The following ZNF462 variants were observed in gnomAD, a reference collection of about 807,000 sequenced individuals.
The protein encoded by ZNF462 is zinc finger protein 462.
Under a neutral mutation model 201.9 loss-of-function variants are expected in ZNF462, and 10 were observed. That is an observed-to-expected ratio of 0.05 (90% CI 0.03 to 0.08). The LOEUF (loss-of-function observed/expected upper bound fraction) is 0.08, where lower values mean the gene tolerates loss of function less well. Among genes scored for constraint, ZNF462 ranks in the 10% least tolerant of loss-of-function variants. ZNF462 has a pLI of 1.00. For missense variants in ZNF462, 2,523 were observed against 3,168.3 expected, an observed-to-expected ratio of 0.80 and a Z score of 4.89; for synonymous variants, 1,227 against 1,193.3, an observed-to-expected ratio of 1.03 and a Z score of -0.58.
chr9:106,942,628 C>T (rs1830922698), intron 7 of ZNF462, among the ~76,000 whole-genome samples: 2 of 152,152 alleles, frequency 1.3e-5, no homozygotes, highest in Admixed American at 1.3e-4. Flanking sequence ...TACTGTGTTC[C>T]TTCTCCTGCC....
intron 10 of ZNF462, among the ~76,000 whole-genome samples, chr9:106,989,206 T>G (rs536338169): frequency 6.6e-6 from 1 of 152,252 alleles, no homozygotes; most frequent in Non-Finnish European, 1.5e-5. Context: ...CATTAAGGTA[T>G]GTCCTTTGTA....
chr9:106,901,690 G>A (rs1242975661), intron 1 of ZNF462, among the ~76,000 whole-genome samples: 1 of 152,062 alleles, frequency 6.6e-6, no homozygotes, highest in Non-Finnish European at 1.5e-5. Flanking sequence ...ATTGTAAAAG[G>A]GGTTGAGTTC....
In ZNF462 at chr9:106,923,722, C is replaced by A; in HGVS notation, c.220+119C>A. 1 of 1,037,052 alleles carries A rather than the reference C, an allele frequency of 9.6e-7. No homozygotes were observed. Among genetic ancestry groups the A allele is most frequent in the South Asian group, 1.6e-5 (1 of 62,442 alleles). The allele number at this position is 1,037,052 out of a possible 1,614,324, so 64.2% of individuals were successfully genotyped here. A position where few individuals can be genotyped will look rare whatever the true frequency, so the allele number is the denominator to read the frequency against. On this transcript the variant is annotated intron_variant, in intron 2 of 12. Transcript: ENST00000277225. This position sits in a 1 kb window ranked among gnomAD's most constrained non-coding sequence, Gnocchi z 5.6. ...TGCAGAGTTTCTTGTGCTTTGCTAG[C>A]CATTTTTGTGGTTTGGGCATCATGT...
chr9:107,001,337 G>T (rs1203785523), intron 10 of ZNF462, among the ~76,000 whole-genome samples: 5 of 152,138 alleles, frequency 3.3e-5, no homozygotes, highest in Admixed American at 1.3e-4. Context: ...TACAATGCTT[G>T]TTGTAAGCAT....
intron 1 of ZNF462, among the ~76,000 whole-genome samples, chr9:106,869,888 T>C (rs1380511714): frequency 6.6e-6 from 1 of 152,192 alleles, no homozygotes; most frequent in African/African-American, 2.4e-5. Flanking sequence ...AGATTGTATT[T>C]GCAGTATGCT....
chr9:106,927,022 T>C lies in ZNF462; in HGVS notation c.3110T>C (p.Phe1037Ser). Residue 1037 changes from phenylalanine to serine, a missense_variant, in exon 3 of 13, where the codon TTT (phenylalanine) becomes TCT (serine). Transcript: ENST00000277225. ...VVVYDCDVCS[F>S]ASPNMHSVLV... The stretch of plus-strand genomic sequence containing the variant: ...GTTTATGATTGTGATGTTTGTTCGT[T>C]TGCAAGCCCCAACATGCATTCTGTC... 1 of 1,614,142 alleles carries C rather than the reference T, an allele frequency of 6.2e-7. No individual in the cohort carries two copies. Among genetic ancestry groups the C allele is most frequent in the Non-Finnish European group, 8.5e-7 (1 of 1,180,022 alleles).
Position 106,927,727 on chromosome 9 carries a change from A to G in ZNF462, c.3815A>G (p.Tyr1272Cys), listed in dbSNP as rs756215619. 1 of 1,614,092 alleles carries G rather than the reference A, an allele frequency of 6.2e-7. No individual in the cohort carries two copies. The highest frequency in any genetic ancestry group is 8.5e-7 in the Non-Finnish European group (1 of 1,180,022). ...GCACTCAAATGTAGGCAGTGCTCAT[A>G]TACCTCCCCCTACTTCTATGCACTG... ...LRALKCRQCS[Y>C]TSPYFYALRK... The change falls in exon 3 of 13, where the codon TAT becomes TGT. Residue 1272 changes from tyrosine (Y) to cysteine (C), a missense_variant. Tyr to Cys is a radical substitution (Grantham distance 194). Coordinates refer to ENST00000277225, the MANE Select transcript of ZNF462 (RefSeq NM_021224.6).
rs1053553370 is a variant in ZNF462 at position 106,927,710 on chromosome 9, A to T, written c.3798A>T (p.Lys1266Asn). 3 of 1,613,982 alleles carry T rather than the reference A, an allele frequency of 1.9e-6. No homozygotes were observed. In the Admixed American group the frequency reaches 5.0e-5, roughly 27 times the overall value. Reference protein sequence around the residue: ...ERDKTKLRALKCRQCSYTSPY... With the variant: ...ERDKTKLRALNCRQCSYTSPY... ...ACAAAACGAAACTCCGAGCACTCAA[A>T]TGTAGGCAGTGCTCATATACCTCCC... The change falls in exon 3 of 13, where the codon AAA (lysine) becomes AAT (asparagine). Residue 1266 changes from lysine to asparagine, a missense_variant. Transcript: ENST00000277225.
At chr9:106,996,518 AGAT>A (rs1660749077) in intron 10 of ZNF462, among the ~76,000 whole-genome samples, 1 of 152,172 alleles carries the variant, frequency 6.6e-6, no homozygotes, top group African/African-American at 2.4e-5. Flanking sequence ...AACTGGTGTG[AGAT>A]GGTATCTCAT....
Position 106,977,598 on chromosome 9 carries a change from G to A in ZNF462, c.6832+3325G>A, listed in dbSNP as rs1052815788. On this transcript the variant is annotated intron_variant, in intron 9 of 12. Coordinates refer to ENST00000277225, the MANE Select transcript of ZNF462 (RefSeq NM_021224.6). The surrounding 1 kb of genome is among the most constrained non-coding windows in gnomAD (Gnocchi z 4.6). ...CAAACATTCATTATTTGCTTGTTAC[G>A]TGCCACGCTATGCTTGGTTCTTTGG... Among the ~76,000 whole-genome samples the A allele has an allele frequency of 3.3e-5, 5 of 151,536 alleles. No homozygotes were observed. The highest frequency in any genetic ancestry group is 6.6e-5 in the Admixed American group (1 of 15,264).
Position 107,002,761 on chromosome 9 carries a change from T to C in ZNF462, c.7057-533T>C, listed in dbSNP as rs571269281. On this transcript the variant is annotated intron_variant, in intron 10 of 12. Transcript: ENST00000277225. ...TAACAGTAATAATATTATCTTCCAT[T>C]TAAACTAGAGTTAAGGATCAGATGG... Among the ~76,000 whole-genome samples, 24 of 152,324 alleles carry C rather than the reference T, an allele frequency of 1.6e-4. No individual in the cohort carries two copies. In the South Asian group the frequency reaches 5.0e-3, roughly 32 times the overall value.
intron 5 of ZNF462, among the ~76,000 whole-genome samples, chr9:106,934,154 A>G (rs1399641281): frequency 1.3e-5 from 2 of 152,184 alleles, no homozygotes; most frequent in Admixed American, 1.3e-4. Context: ...CCTATAAGGT[A>G]TGGCCCCATT....
chr9:106,950,988 G>A lies in ZNF462; in HGVS notation c.6427+11881G>A, dbSNP rs939944968. Among the ~76,000 whole-genome samples, 5 of 151,972 alleles carry A rather than the reference G, an allele frequency of 3.3e-5. No individual in the cohort carries two copies. The highest frequency in any genetic ancestry group is 1.2e-4 in the African/African-American group (5 of 41,362). On this transcript the variant is annotated intron_variant, in intron 7 of 12. Transcript: ENST00000277225. The surrounding 1 kb of genome is among the most constrained non-coding windows in gnomAD (Gnocchi z 4.1). Reference sequence around the variant, plus strand: ...GCCTGTAATTCCAGCCACTCCGGAGGCTGAGGTGGGAGAATTGCTTGAACC... The same window carrying A: ...GCCTGTAATTCCAGCCACTCCGGAGACTGAGGTGGGAGAATTGCTTGAACC...
chr9:106,964,014 T>G (rs1439111331), intron 7 of ZNF462, among the ~76,000 whole-genome samples: 1 of 147,742 alleles, frequency 6.8e-6, no homozygotes, highest in East Asian at 1.9e-4. Flanking sequence ...TATTCGTGTG[T>G]GTGTGTGTGT....
intron 1 of ZNF462, among the ~76,000 whole-genome samples, chr9:106,892,446 C>A (rs187536312): frequency 6.6e-6 from 1 of 152,246 alleles, no homozygotes; most frequent in East Asian, 1.9e-4. Context: ...ACACCACAAT[C>A]TCAGGGTCTC....
intron 9 of ZNF462, among the ~76,000 whole-genome samples, chr9:106,980,243 G>T (rs199903109): frequency 6.6e-6 from 1 of 152,066 alleles, no homozygotes; most frequent in Non-Finnish European, 1.5e-5. Context: ...GCTATGTTTT[G>T]GGATGATTTA....
intron 7 of ZNF462, 86 bp downstream of exon 7, chr9:106,939,193 A>T: frequency 7.5e-7 from 1 of 1,331,054 alleles, no homozygotes; most frequent in Non-Finnish European, 1.0e-6. Flanking sequence ...TTAGAGGAAA[A>T]TCTTATGTGA....
chr9:106,946,675 A>G (rs972574457), intron 7 of ZNF462, among the ~76,000 whole-genome samples: 1 of 152,132 alleles, frequency 6.6e-6, no homozygotes, highest in African/African-American at 2.4e-5. Context: ...AATTTTTTTA[A>G]AAGTGTGAAG....
Position 106,924,367 on chromosome 9 carries a change from T to G in ZNF462, c.455T>G (p.Ile152Ser), listed in dbSNP as rs772592957. 1.2e-6 allele frequency: 2 copies of G among 1,614,150 alleles called. No homozygotes were observed. The highest frequency in any genetic ancestry group is 8.5e-7 in the Non-Finnish European group (1 of 1,180,020). The change falls in exon 3 of 13, where the codon ATC becomes AGC. Residue 152 changes from isoleucine to serine, a missense_variant. Transcript: ENST00000277225. The surrounding 1 kb of genome is among the most constrained non-coding windows in gnomAD (Gnocchi z 6.2). ...GTCCCGGGATCCTTAAATTATAATA[T>G]CATGATGCACGAGGGATTTGGAAAG... The part of the protein sequence containing the change: ...PPVPGSLNYN[I>S]MMHEGFGKVF...
Sources: gnomAD v4.1 joint callset for allele counts (sites outside exome capture counted in the v4.1 genomes callset) on GRCh38, gnomAD v4.1.1 for gene constraint, Gnocchi (gnomAD v3.1) non-coding constraint, MANE v1.5 for transcripts, NCBI Gene and HGNC (gene_info 2026-07-23, HGNC 2026-07-21) for gene names.